BMS1: variants seen among roughly 807,000 people sequenced by gnomAD.
BMS1 encodes ribosome biogenesis protein BMS1 homolog.
BMS1 carries 53 observed loss-of-function variants against 138.7 expected under a neutral mutation model. That is an observed-to-expected ratio of 0.38 (90% CI 0.31 to 0.48). BMS1 has a LOEUF of 0.48. Ranked by LOEUF, BMS1 falls within the 20% of genes least tolerant of loss-of-function variation. BMS1 has a pLI of 0.97. For synonymous variants in BMS1, 504 were observed against 539.9 expected, an observed-to-expected ratio of 0.93 and a Z score of 0.92; for missense variants, 1,360 against 1,565.5, an observed-to-expected ratio of 0.87 and a Z score of 2.22.
At chr10:42,821,141 G>A (rs2419100) in intron 18 of BMS1, 149 bp downstream of exon 18, 28 of 683,726 alleles carry the variant, frequency 4.1e-5, no homozygotes, top group Middle Eastern at 4.1e-4. Flanking sequence ...TTCCTACATC[G>A]TTTTCAGTAG....
chr10:42,784,275 T>A (rs753960903), intron 1 of BMS1, 87 bp from the exon 2 acceptor site: 10 of 958,656 alleles, frequency 1.0e-5, no homozygotes, highest in African/African-American at 1.6e-5. Context: ...CATAAAGAAA[T>A]AAATGAAATT....
intron 13 of BMS1, among the ~76,000 whole-genome samples, chr10:42,810,682 A>G (rs911526412): frequency 1.3e-5 from 2 of 152,142 alleles, no homozygotes; most frequent in African/African-American, 4.8e-5. Context: ...TTTAATGGTT[A>G]TAGGACGATT....
chr10:42,793,120 C>A lies in BMS1; in HGVS notation c.1065C>A (p.Asp355Glu), dbSNP rs1841566601. Residue 355 changes from aspartate to glutamate, a missense_variant, in exon 8 of 23, where the codon GAC (aspartate) becomes GAA (glutamate). Around this residue, in one of 3 missense-constraint regions of BMS1, gnomAD observed 697 missense variants for 686.2 expected, o/e 1.02. Transcript: ENST00000374518. ...ATGACAAAGACGCTGTCTATGTTGA[C>A]CTTGGTGGCAGCCACGTTTTTCAGG... The part of the protein sequence containing the change: ...VLYDKDAVYV[D>E]LGGSHVFQDE... The A allele has an allele frequency of 6.2e-7, 1 of 1,608,510 alleles. No homozygotes were observed. Among genetic ancestry groups the A allele is most frequent in the Admixed American group, 1.7e-5 (1 of 58,816 alleles).
At position 42,830,940 on chromosome 10, in the gene BMS1, G is replaced by C; in HGVS notation, c.3693G>C (p.Leu1231=). ...AGAAGGCCAAGGAGCAGCGGCACCT[G>C]CACAATAAAGAGCACTTCAGAGCCA... ...KMKKAKEQRH[L]HNKEHFRAKQ... Residue 1231 remains leucine (L), a synonymous_variant, in exon 23 of 23, where the codon CTG becomes CTC. Transcript: ENST00000374518. 6.2e-7 allele frequency: 1 copy of C among 1,611,566 alleles called. No individual in the cohort carries two copies. Among genetic ancestry groups the C allele is most frequent in the Non-Finnish European group, 8.5e-7 (1 of 1,178,894 alleles).
At position 42,802,231 on chromosome 10, in the gene BMS1, C is replaced by G. The variant is rs775785843; in HGVS notation, c.2329+13C>G. Reference sequence around the variant, plus strand: ...TTAGCAGAAGATGGTAAGTAAAGAGCTGGGTTCTTCAGGAAGACTGGCTTC... The same window carrying G: ...TTAGCAGAAGATGGTAAGTAAAGAGGTGGGTTCTTCAGGAAGACTGGCTTC... On this transcript the variant is annotated intron_variant, in intron 13 of 22. Coordinates refer to ENST00000374518, the MANE Select transcript of BMS1 (RefSeq NM_014753.4). 8 of 1,609,872 alleles carry G rather than the reference C, an allele frequency of 5.0e-6. No individual in the cohort carries two copies. Among genetic ancestry groups the G allele is most frequent in the African/African-American group, 2.7e-5 (2 of 74,782 alleles).
At position 42,798,494 on chromosome 10, in the gene BMS1, G is replaced by A. The variant is rs1841765570; in HGVS notation, c.2116G>A (p.Asp706Asn). The A allele has an allele frequency of 6.2e-7, 1 of 1,614,208 alleles. No homozygotes were observed. The highest frequency in any genetic ancestry group is 8.5e-7 in the Non-Finnish European group (1 of 1,180,048). Reference sequence around the variant, plus strand: ...GACAGAAGATAATGAAGAAGAAGATGATGATACTCTAGAAGAGCTTGGAGG... The same window carrying A: ...GACAGAAGATAATGAAGAAGAAGATAATGATACTCTAGAAGAGCTTGGAGG... ...TVTEDNEEED[D>N]DTLEELGGLF... The change falls in exon 12 of 23, where the codon GAT (aspartate) becomes AAT (asparagine). Residue 706 changes from aspartate (D) to asparagine (N), a missense_variant. Coordinates refer to ENST00000374518, the MANE Select transcript of BMS1 (RefSeq NM_014753.4).
Position 42,787,159 on chromosome 10 carries a change from C to T in BMS1, c.368-9C>T, listed in dbSNP as rs1388237232. 1.0e-6 allele frequency: 1 copy of T among 973,724 alleles called. No homozygotes were observed. The highest frequency in any genetic ancestry group is 1.6e-6 in the Non-Finnish European group (1 of 623,328). 60.3% of individuals were successfully genotyped at this position (973,724 alleles called of 1,614,324 possible). On this transcript the variant is annotated splice_polypyrimidine_tract_variant and intron_variant, in intron 3 of 22. Coordinates refer to ENST00000374518, the MANE Select transcript of BMS1 (RefSeq NM_014753.4). ...TTTTAAAGTAAAATTTTCATCTTTT[C>T]ACTTATAGGTAAAAAGCGCAGACTC...
At chr10:42,799,952 G>T (rs1036964112) in intron 12 of BMS1, among the ~76,000 whole-genome samples, 1 of 152,108 alleles carries the variant, frequency 6.6e-6, no homozygotes, top group East Asian at 1.9e-4. Flanking sequence ...TTGGTCTGTA[G>T]AGTTTCTTGT....
At chr10:42,828,701 CT>C (rs1842725314) in intron 21 of BMS1, among the ~76,000 whole-genome samples, 1 of 151,810 alleles carries the variant, frequency 6.6e-6, no homozygotes, top group Admixed American at 6.6e-5. Flanking sequence ...TTGTTATTCT[CT>C]TCACAGCTTA....
At chr10:42,821,046 G>A (rs2419101) in intron 18 of BMS1, 54 bp downstream of exon 18, 5 of 1,405,460 alleles carry the variant, frequency 3.6e-6, no homozygotes, top group South Asian at 2.3e-5. Flanking sequence ...TATATCCTGG[G>A]TGTGGGTTAT....
intron 13 of BMS1, among the ~76,000 whole-genome samples, chr10:42,802,813 TTTA>T (rs1312216259): frequency 6.6e-6 from 1 of 151,252 alleles, no homozygotes; most frequent in Non-Finnish European, 1.5e-5. Context: ...TAAAATATTA[TTTA>T]TTATTATCAT....
At position 42,802,179 on chromosome 10, in the gene BMS1, G is replaced by C. The variant is rs1055118899; in HGVS notation, c.2290G>C (p.Glu764Gln). 1 of 1,613,452 alleles carries C rather than the reference G, an allele frequency of 6.2e-7. No homozygotes were observed. The highest frequency in any genetic ancestry group is 1.3e-5 in the African/African-American group (1 of 74,910). Residue 764 changes from glutamate (E) to glutamine (Q), a missense_variant, in exon 13 of 23, where the codon GAA becomes CAA. Glu to Gln is a conservative substitution (Grantham distance 29). This residue lies in a region of BMS1 where 697 missense variants were observed against 686.2 expected (regional missense o/e 1.02). Coordinates refer to ENST00000374518, the MANE Select transcript of BMS1 (RefSeq NM_014753.4). ...IRDCFVTGKW[E>Q]DDKDAAKVLA... ...AGATTGCTTCGTGACTGGAAAGTGG[G>C]AAGATGATAAAGATGCAGCCAAGGT...
At chr10:42,782,999 G>A (rs565336799) in intron 1 of BMS1, among the ~76,000 whole-genome samples, 169 bp downstream of exon 1, 6 of 152,036 alleles carry the variant, frequency 3.9e-5, no homozygotes, top group African/African-American at 1.4e-4. Flanking sequence ...GGGTAGTTGG[G>A]TGAGTGACGT....
chr10:42,817,142 T>C (rs1842372790), intron 14 of BMS1, among the ~76,000 whole-genome samples, 176 bp from the exon 15 acceptor site: 1 of 152,248 alleles, frequency 6.6e-6, no homozygotes, highest in Non-Finnish European at 1.5e-5. Context: ...AACCATTTCC[T>C]GTAGCAGTAC....
chr10:42,796,781 G>A lies in BMS1; in HGVS notation c.1537G>A (p.Ala513Thr), dbSNP rs1445297372. 1 of 1,614,216 alleles carries A rather than the reference G, an allele frequency of 6.2e-7. No homozygotes were observed. Among genetic ancestry groups the A allele is most frequent in the Non-Finnish European group, 8.5e-7 (1 of 1,180,048 alleles). The change falls in exon 10 of 23, where the codon GCG becomes ACG. Residue 513 changes from alanine (A) to threonine (T), a missense_variant. By Grantham distance (58) the Ala-to-Thr change is moderately conservative. Transcript: ENST00000374518. ...TGACGATGACCTTGAGAGGAGCTCAGCGGAAGAAGGGGAAGCGGAGGAAGC... is the reference window on the plus strand; with the variant it reads ...TGACGATGACCTTGAGAGGAGCTCAACGGAAGAAGGGGAAGCGGAGGAAGC... ...DSDDDLERSS[A>T]EEGEAEEADE...
At chr10:42,809,641 A>G (rs1588736099) in intron 13 of BMS1, among the ~76,000 whole-genome samples, 1 of 152,234 alleles carries the variant, frequency 6.6e-6, no homozygotes, top group East Asian at 1.9e-4. Flanking sequence ...CTGAGAGTGG[A>G]CTTCCTATGT....
chr10:42,832,972 G>A lies in BMS1; in HGVS notation c.*1876G>A, dbSNP rs1340375278. ...GCACTCAAGTCATACCATGTTTTAA[G>A]TAGCTTACAAGGTGATCAGCAAGTG... On this transcript the variant is annotated 3_prime_UTR_variant, in exon 23 of 23. Coordinates refer to ENST00000374518, the MANE Select transcript of BMS1 (RefSeq NM_014753.4). 1.3e-5 allele frequency: 2 copies of A among 152,196 alleles called. No individual in the cohort carries two copies. Among genetic ancestry groups the A allele is most frequent in the Non-Finnish European group, 2.9e-5 (2 of 68,036 alleles). 9.4% of individuals were successfully genotyped at this position (152,196 alleles called of 1,614,324 possible). A position where few individuals can be genotyped will look rare whatever the true frequency, so the allele number is the denominator to read the frequency against.
At chr10:42,808,389 C>T (rs1257673548) in intron 13 of BMS1, among the ~76,000 whole-genome samples, 1 of 151,820 alleles carries the variant, frequency 6.6e-6, no homozygotes, top group East Asian at 1.9e-4. Flanking sequence ...AGCTCTGTCC[C>T]CCGGGTTCAT....
chr10:42,823,763 G>A lies in BMS1; in HGVS notation c.3435G>A (p.Ala1145=), dbSNP rs748554246. The part of the protein sequence containing the change: ...LRLAHGVRLK[A]NKDSLYKPIL... ...TCGCCCATGGCGTCAGACTAAAGGC[G>A]AACAAGGACTCTCTGTATAAGGTAC... The change falls in exon 21 of 23, where the codon GCG becomes GCA. Residue 1145 remains alanine, a synonymous_variant. Transcript: ENST00000374518. The A allele has an allele frequency of 1.2e-5, 19 of 1,591,982 alleles. No individual in the cohort carries two copies. The highest frequency in any genetic ancestry group is 6.7e-5 in the South Asian group (6 of 89,700).
Sources: allele counts gnomAD v4.1 joint callset (sites outside exome capture counted in the v4.1 genomes callset), GRCh38; gene constraint gnomAD v4.1.1; regional missense constraint gnomAD v4.1.1; transcripts MANE v1.5; gene names NCBI Gene and HGNC (gene_info 2026-07-23, HGNC 2026-07-21).